RRM2B: variants seen among roughly 807,000 people sequenced by gnomAD.
The protein encoded by RRM2B is ribonucleoside-diphosphate reductase subunit M2 B.
RRM2B carries 20 observed loss-of-function variants against 45.9 expected under a neutral mutation model. The ratio of observed to expected loss-of-function variants is 0.44; its 90% CI spans 0.31 to 0.63. RRM2B has a LOEUF of 0.63. RRM2B is among the 30% of genes least tolerant of loss of function. The pLI is 0.09. For synonymous variants in RRM2B, 124 were observed against 132.3 expected, an observed-to-expected ratio of 0.94 and a Z score of 0.43; for missense variants, 320 against 414.7, an observed-to-expected ratio of 0.77 and a Z score of 1.98.
intron 1 of RRM2B, among the ~76,000 whole-genome samples, chr8:102,233,089 A>G (rs1811059704): frequency 6.6e-6 from 1 of 152,238 alleles, no homozygotes; most frequent in African/African-American, 2.4e-5. Context: ...AGTATAAACA[A>G]AGGACATACA....
intron 6 of RRM2B, among the ~76,000 whole-genome samples, chr8:102,215,944 C>CAAAAAAAAAAAAAAAAAAAAAA (rs60059243): frequency 3.2e-4 from 24 of 75,678 alleles, no homozygotes; most frequent in African/African-American, 8.1e-4. Context: ...GACCCTGTCT[C>CAAAAAAAAAAAAAAAAAAAAAA]AAAAAAAAAA....
chr8:102,212,385 C>G (rs183788027), intron 8 of RRM2B, among the ~76,000 whole-genome samples: 1 of 152,322 alleles, frequency 6.6e-6, no homozygotes, highest in Non-Finnish European at 1.5e-5. Flanking sequence ...TATATTGTGA[C>G]AGTTAATGTC....
chr8:102,209,883 CATATT>C (rs1810606553), intron 8 of RRM2B, among the ~76,000 whole-genome samples: 1 of 152,174 alleles, frequency 6.6e-6, no homozygotes, highest in Non-Finnish European at 1.5e-5. Flanking sequence ...CAAAAGGCCA[CATATT>C]ATATGATTCC....
At position 102,207,433 on chromosome 8, in the gene RRM2B, C is replaced by T. The variant is rs937729088; in HGVS notation, c.*700G>A. 1.3e-5 allele frequency: 2 copies of T among 152,152 alleles called. No homozygotes were observed. The highest frequency in any genetic ancestry group is 2.4e-5 in the African/African-American group (1 of 41,442). 9.4% of individuals were successfully genotyped at this position (152,152 alleles called of 1,614,324 possible). A position where few individuals can be genotyped will look rare whatever the true frequency, so the allele number is the denominator to read the frequency against. On this transcript the variant is annotated 3_prime_UTR_variant, in exon 9 of 9. Coordinates refer to ENST00000251810, the MANE Select transcript of RRM2B (RefSeq NM_015713.5). ...AACTACCATGATAACCTCCTGGTTT[C>T]CACTCCATAAGTAGGCTTCCCAAAG...
At chr8:102,221,042 TTGAAA>T (rs28928585) in intron 5 of RRM2B, among the ~76,000 whole-genome samples, 48 of 152,344 alleles carry the variant, frequency 3.2e-4, no homozygotes, top group African/African-American at 1.2e-3. Context: ...TTTTTGAGGC[TTGAAA>T]TGAAATTTCA....
intron 8 of RRM2B, among the ~76,000 whole-genome samples, chr8:102,211,198 G>A (rs989812587): frequency 2.0e-5 from 3 of 152,174 alleles, no homozygotes; most frequent in Non-Finnish European, 2.9e-5. Flanking sequence ...ATTTCGCCAT[G>A]TTGCCTAGGC....
chr8:102,238,649 C>CCCTCCCCGGGGACGG, intron 1 of RRM2B, 178 bp downstream of exon 1: 3 of 1,535,738 alleles, frequency 2.0e-6, no homozygotes, highest in Middle Eastern at 1.7e-4. Context: ...CCTTCCTCCG[C>CCCTCCCCGGGGACGG]CCTCCCCGGG....
At chr8:102,226,493 G>A (rs532392354) in intron 2 of RRM2B, among the ~76,000 whole-genome samples, 23 of 151,836 alleles carry the variant, frequency 1.5e-4, no homozygotes, top group Admixed American at 9.2e-4. Context: ...TGAAGCAAAT[G>A]AAAGAAGGGC....
At chr8:102,209,829 A>G (rs994902824) in intron 8 of RRM2B, among the ~76,000 whole-genome samples, 16 of 152,384 alleles carry the variant, frequency 1.0e-4, no homozygotes, top group African/African-American at 3.8e-4. Flanking sequence ...ACATGCTACA[A>G]CATGAATGCA....
intron 7 of RRM2B, among the ~76,000 whole-genome samples, chr8:102,213,565 C>T (rs903746275): frequency 2.0e-5 from 3 of 152,114 alleles, no homozygotes; most frequent in Non-Finnish European, 2.9e-5. Flanking sequence ...TCCTAAGTAG[C>T]GCATCTAGCT....
intron 6 of RRM2B, among the ~76,000 whole-genome samples, chr8:102,218,497 C>G (rs1309384267): frequency 1.3e-5 from 2 of 152,022 alleles, no homozygotes; most frequent in African/African-American, 4.8e-5. Flanking sequence ...GCAGGCAGAT[C>G]GCTTGAGGCC....
chr8:102,229,987 A>T (rs1811000917), intron 2 of RRM2B, among the ~76,000 whole-genome samples: 1 of 152,180 alleles, frequency 6.6e-6, no homozygotes, highest in Admixed American at 6.5e-5. Flanking sequence ...AGGTCTTCTA[A>T]ATTTTATTTA....
chr8:102,223,638 G>A (rs1023613199), intron 5 of RRM2B, among the ~76,000 whole-genome samples: 1 of 146,812 alleles, frequency 6.8e-6, no homozygotes. Context: ...AGCAGTTGCA[G>A]TGAGCCAGGA....
At chr8:102,221,623 T>A (rs1658076964) in intron 5 of RRM2B, among the ~76,000 whole-genome samples, 1 of 152,186 alleles carries the variant, frequency 6.6e-6, no homozygotes, top group Admixed American at 6.5e-5. Flanking sequence ...TTTTAGAACA[T>A]GTTCTTTCCT....
rs760540963 is a variant in RRM2B, at chr8:102,238,744, A to G, written c.48+83T>C. On this transcript the variant is annotated intron_variant, in intron 1 of 8. Transcript: ENST00000251810. ...GCCTGTCCTGACCGCGGCGAATAAC[A>G]TTTCCTACAGCGGTCCTGCAACTTG... is the stretch of plus-strand genomic sequence containing the variant. 3.7e-6 allele frequency: 6 copies of G among 1,608,634 alleles called. No homozygotes were observed. The highest frequency in any genetic ancestry group is 5.1e-6 in the Non-Finnish European group (6 of 1,178,198).
rs1810523938 is a variant in RRM2B at position 102,205,238 on chromosome 8, G to A, written c.*2895C>T. 6.6e-6 allele frequency: 1 copy of A among 152,080 alleles called. No individual in the cohort carries two copies. Among genetic ancestry groups the A allele is most frequent in the South Asian group, 2.1e-4 (1 of 4,828 alleles). 9.4% of individuals were successfully genotyped at this position (152,080 alleles called of 1,614,324 possible). A position where few individuals can be genotyped will look rare whatever the true frequency, so the allele number is the denominator to read the frequency against. On this transcript the variant is annotated 3_prime_UTR_variant, in exon 9 of 9. Transcript: ENST00000251810. ...AGTTCAGTATCTACAAATGAAATTT[G>A]GGAATTCTATGACAGTGATGTTAGC...
intron 1 of RRM2B, among the ~76,000 whole-genome samples, chr8:102,233,927 C>T (rs1178861150): frequency 6.6e-6 from 1 of 152,124 alleles, no homozygotes; most frequent in African/African-American, 2.4e-5. Context: ...CTCAAGCAAT[C>T]CTCCTGTCTC....
intron 2 of RRM2B, among the ~76,000 whole-genome samples, chr8:102,227,753 G>C (rs542256276): frequency 1.3e-4 from 20 of 152,210 alleles, no homozygotes; most frequent in African/African-American, 4.6e-4. Context: ...AGCATGGTTG[G>C]GTTATTGGTG....
chr8:102,235,783 G>A (rs566526643), intron 1 of RRM2B, among the ~76,000 whole-genome samples: 1 of 152,274 alleles, frequency 6.6e-6, no homozygotes, highest in African/African-American at 2.4e-5. Context: ...AGGTTGCAGT[G>A]AGCCGAGATT....
Sources: gnomAD v4.1 joint callset for allele counts (sites outside exome capture counted in the v4.1 genomes callset) on GRCh38, gnomAD v4.1.1 for gene constraint, MANE v1.5 for transcripts, NCBI Gene and HGNC (gene_info 2026-07-23, HGNC 2026-07-21) for gene names.